The following PCDHA7 variants were observed in gnomAD, a reference collection of about 807,000 sequenced individuals.
The protein encoded by PCDHA7 is protocadherin alpha 7.
In PCDHA7, 37 loss-of-function variants were observed where a neutral mutation model predicts 57.2. That is an observed-to-expected ratio of 0.65 (90% CI 0.50 to 0.85). The LOEUF (loss-of-function observed/expected upper bound fraction) is 0.85. Among genes scored for constraint, PCDHA7 ranks in the 40% least tolerant of loss-of-function variants. The pLI, the probability that PCDHA7 is intolerant of heterozygous loss-of-function variation, is 0.00. For missense variants in PCDHA7, 1,188 were observed against 1,241.8 expected (o/e 0.96, Z 0.65); for synonymous variants, 553 against 558.8 (o/e 0.99, Z 0.15).
chr5:140,852,589 T>TA (rs1324602977), intron 1 of PCDHA7: 6 of 884,534 alleles, frequency 6.8e-6, no homozygotes, highest in African/African-American at 2.0e-5. Flanking sequence ...TTTATTTTTT[T>TA]TTTTTGTCAT....
At chr5:140,979,178 G>C (rs782006168) in intron 2 of PCDHA7, 171 bp downstream of exon 2, 32 of 944,022 alleles carry the variant, frequency 3.4e-5, no homozygotes, top group Non-Finnish European at 4.0e-5. Flanking sequence ...GATCGCAAAT[G>C]GTCAGTGCCA....
intron 1 of PCDHA7, chr5:140,849,973 C>A: frequency 6.3e-7 from 1 of 1,597,728 alleles, no homozygotes; most frequent in Non-Finnish European, 8.6e-7. Flanking sequence ...GTGTCCTACT[C>A]GCTGGTGGAG....
chr5:140,884,886 A>G (rs1261353977), intron 1 of PCDHA7, among the ~76,000 whole-genome samples: 1 of 152,220 alleles, frequency 6.6e-6, no homozygotes, highest in Non-Finnish European at 1.5e-5. Flanking sequence ...CAAAACAAGA[A>G]TATTTTGTTT....
chr5:140,992,017 CTGTGTGTGTGTGTGTG>C (rs10602499), intron 3 of PCDHA7, among the ~76,000 whole-genome samples: 31 of 145,626 alleles, frequency 2.1e-4, no homozygotes, highest in East Asian at 1.4e-3. Flanking sequence ...AGAGGTGGCT[CTGTGTGTGTGTGTGTG>C]TGTGTGTGTG....
rs2150326977 is a variant in PCDHA7, at chr5:140,841,986, T to C, written c.2355+5248T>C. ...GCCACAGATGGGGGCAAACCTGAGCTCACAGGCACTGTTCAGCTGCTGGTC... is the reference window on the plus strand; with the variant it reads ...GCCACAGATGGGGGCAAACCTGAGCCCACAGGCACTGTTCAGCTGCTGGTC... On this transcript the variant is annotated intron_variant, in intron 1 of 3. Transcript: ENST00000525929. 2 of 1,613,792 alleles carry C rather than the reference T, an allele frequency of 1.2e-6. 1 individual carries two copies. The highest frequency in any genetic ancestry group is 4.5e-5 in the East Asian group (2 of 44,836).
intron 1 of PCDHA7, chr5:140,883,163 A>C: frequency 6.2e-7 from 1 of 1,614,068 alleles, no homozygotes; most frequent in South Asian, 1.1e-5. Context: ...AAATCCGAAC[A>C]ATGGAGAAAT....
At chr5:140,837,761 G>A (rs1274767174) in intron 1 of PCDHA7, among the ~76,000 whole-genome samples, 1 of 151,628 alleles carries the variant, frequency 6.6e-6, no homozygotes, top group Non-Finnish European at 1.5e-5. Context: ...ACTGCAACCT[G>A]AAAGTCCTGG....
chr5:140,848,487 G>T (rs2150411102), intron 1 of PCDHA7: 1 of 1,574,380 alleles, frequency 6.4e-7, no homozygotes, highest in Non-Finnish European at 8.7e-7. Context: ...AGAAGACTGA[G>T]TATTTGAAAT....
intron 1 of PCDHA7, chr5:140,871,457 GGGAAAGACA>G (rs782304525): frequency 6.2e-7 from 1 of 1,605,688 alleles, no homozygotes; most frequent in Non-Finnish European, 8.5e-7. Flanking sequence ...GAGGAGGAAG[GGGAAAGACA>G]GGAGCCAGGG....
In PCDHA7 at chr5:140,855,913, A is replaced by G. The variant is rs560286204; in HGVS notation, c.2355+19175A>G. 287 of 1,174,758 alleles carry G rather than the reference A, an allele frequency of 2.4e-4. 22 individuals carry two copies. Among genetic ancestry groups the G allele is most frequent in the Admixed American group, 2.2e-3 (83 of 38,140 alleles). 72.8% of individuals were successfully genotyped at this position (1,174,758 alleles called of 1,614,324 possible). ...AAAGGCATCAGCCAGTTTCTCAAGG[A>G]CTAGGAAGTAGCGTCATTCTGAGAT... On this transcript the variant is annotated intron_variant, in intron 1 of 3. Transcript: ENST00000525929.
At chr5:140,982,683 T>C in intron 3 of PCDHA7, 120 bp downstream of exon 3, 2 of 1,424,800 alleles carry the variant, frequency 1.4e-6, no homozygotes, top group Non-Finnish European at 1.8e-6. Context: ...TATTCCCTTT[T>C]TTCCATACAT....
intron 1 of PCDHA7, among the ~76,000 whole-genome samples, chr5:140,894,543 T>C (rs782418710): frequency 2.6e-5 from 4 of 152,088 alleles, no homozygotes; most frequent in Non-Finnish European, 4.4e-5. Flanking sequence ...TCTGGTTTAG[T>C]GTTTACTTCT....
intron 1 of PCDHA7, chr5:140,967,458 A>T (rs1042156831): frequency 6.2e-7 from 1 of 1,613,546 alleles, no homozygotes; most frequent in Non-Finnish European, 8.5e-7. Flanking sequence ...ACAGCCGTGG[A>T]TGGGGGCATC....
At chr5:140,870,993 A>G in intron 1 of PCDHA7, 1 of 1,613,424 alleles carries the variant, frequency 6.2e-7, no homozygotes, top group South Asian at 1.1e-5. Context: ...CGGGCGAGAT[A>G]AGCACAACGC....
intron 1 of PCDHA7, among the ~76,000 whole-genome samples, chr5:140,932,550 A>T (rs552367725): frequency 2.6e-5 from 4 of 152,058 alleles, no homozygotes; most frequent in Admixed American, 2.0e-4. Context: ...TTTAACATAC[A>T]TTCCACAAGT....
At chr5:140,857,733 C>T (rs2044837813) in intron 1 of PCDHA7, 1 of 1,597,494 alleles carries the variant, frequency 6.3e-7, no homozygotes, top group Non-Finnish European at 8.6e-7. Flanking sequence ...GACAACGCTC[C>T]CGCGCTGCTG....
chr5:141,007,831 C>T (rs1347788424), intron 3 of PCDHA7, among the ~76,000 whole-genome samples: 2 of 152,296 alleles, frequency 1.3e-5, no homozygotes, highest in East Asian at 3.9e-4. Context: ...CAAGTAGCTA[C>T]CCATTAGAGA....
In PCDHA7 at chr5:140,858,203, C is replaced by T. The variant is rs781959847; in HGVS notation, c.2355+21465C>T. On this transcript the variant is annotated intron_variant, in intron 1 of 3. Coordinates refer to ENST00000525929, the MANE Select transcript of PCDHA7 (RefSeq NM_018910.3). The stretch of plus-strand genomic sequence containing the variant: ...GCTCACGCTGCTGCTGTACACTGCA[C>T]TGAGGTGCTCGGCGGCGCCCACCGA... The T allele has an allele frequency of 3.7e-5, 59 of 1,595,952 alleles. 8 individuals are homozygous for T. Among genetic ancestry groups the T allele is most frequent in the Non-Finnish European group, 4.8e-5 (56 of 1,166,554 alleles).
At chr5:140,903,942 A>G (rs1279645269) in intron 1 of PCDHA7, among the ~76,000 whole-genome samples, 5 of 152,212 alleles carry the variant, frequency 3.3e-5, no homozygotes, top group African/African-American at 1.2e-4. Flanking sequence ...TACCTCTTAA[A>G]TACTGGAAAA....
Sources: gnomAD v4.1 joint callset for allele counts (sites outside exome capture counted in the v4.1 genomes callset) on GRCh38, gnomAD v4.1.1 for gene constraint, MANE v1.5 for transcripts, NCBI Gene and HGNC (gene_info 2026-07-23, HGNC 2026-07-21) for gene names.